AP5Z1: variants seen among roughly 807,000 people sequenced by gnomAD.
The protein encoded by AP5Z1 is AP-5 complex subunit zeta-1.
AP5Z1 carries 106 observed loss-of-function variants against 83.0 expected under a neutral mutation model. The observed-to-expected ratio is 1.28, with a 90% CI of 1.09 to 1.50. The LOEUF (loss-of-function observed/expected upper bound fraction) is 1.50. Ranked by LOEUF, AP5Z1 falls within the 40% of genes most tolerant of loss-of-function variation. The probability of loss-of-function intolerance (pLI) is 0.00; values close to 1 mark genes in which losing one functional copy is unlikely to be tolerated. For missense variants in AP5Z1, 1,565 were observed against 1,094.2 expected (o/e 1.43, Z -6.07); for synonymous variants, 751 against 514.1 (o/e 1.46, Z -6.23).
rs758214725 is a variant in AP5Z1 at position 4,790,557 on chromosome 7, G to A, written c.1904G>A (p.Gly635Asp). 12 of 1,612,994 alleles carry A rather than the reference G, an allele frequency of 7.4e-6. No homozygotes were observed. In the South Asian group the frequency reaches 1.2e-4, roughly 16 times the overall value. Residue 635 changes from glycine (G) to aspartate (D), a missense_variant, in exon 15 of 17, where the codon GGT becomes GAT. Coordinates refer to ENST00000649063, the MANE Select transcript of AP5Z1 (RefSeq NM_014855.3). ...DLLEFLGSVNGLCSRASLVTS... is the reference protein window; with the variant it reads ...DLLEFLGSVNDLCSRASLVTS... ...CTGGAGTTCCTGGGCAGCGTGAATG[G>A]TCTCTGCAGCAGGGCGAGCCTCGTC... is the stretch of plus-strand genomic sequence containing the variant.
At position 4,775,677 on chromosome 7, in the gene AP5Z1, A is replaced by G. The variant is rs749484491; in HGVS notation, c.-39A>G. On this transcript the variant is annotated 5_prime_UTR_variant, in exon 1 of 17. Coordinates refer to ENST00000649063, the MANE Select transcript of AP5Z1 (RefSeq NM_014855.3). Reference sequence around the variant, plus strand: ...GGAGCTCCTGGGCTGCAGCTCCTGGAGTTTCCGAGGTTCGTGCGCGTCTGG... The same window carrying G: ...GGAGCTCCTGGGCTGCAGCTCCTGGGGTTTCCGAGGTTCGTGCGCGTCTGG... 1 of 1,605,346 alleles carries G rather than the reference A, an allele frequency of 6.2e-7. No homozygotes were observed. The highest frequency in any genetic ancestry group is 1.3e-5 in the African/African-American group (1 of 74,878).
At chr7:4,782,651 C>G (rs982098683) in intron 3 of AP5Z1, among the ~76,000 whole-genome samples, 2 of 152,186 alleles carry the variant, frequency 1.3e-5, no homozygotes, top group African/African-American at 2.4e-5. Flanking sequence ...GCCCCCTCAC[C>G]TCACAGACCT....
Position 4,785,519 on chromosome 7 carries a change from C to A in AP5Z1, c.970-3C>A. The A allele has an allele frequency of 6.2e-7, 1 of 1,613,302 alleles. No homozygotes were observed. Among genetic ancestry groups the A allele is most frequent in the Non-Finnish European group, 8.5e-7 (1 of 1,179,698 alleles). ...CCCATTTGATGTGGTCCATGTCCCG[C>A]AGTGCCTGGTGGAGGCCGTGCTGGT... is the stretch of plus-strand genomic sequence containing the variant. On this transcript the variant is annotated splice_polypyrimidine_tract_variant and splice_region_variant and intron_variant, in intron 8 of 16. Transcript: ENST00000649063.
intron 1 of AP5Z1, among the ~76,000 whole-genome samples, chr7:4,777,178 A>G (rs1349992140): frequency 1.3e-5 from 2 of 152,060 alleles, no homozygotes; most frequent in African/African-American, 4.8e-5. Flanking sequence ...TATGTCATTC[A>G]TGTGAATGTG....
rs886916354 is a variant in AP5Z1 at position 4,790,609 on chromosome 7, C to T, written c.1938+18C>T. The T allele has an allele frequency of 6.2e-7, 1 of 1,612,144 alleles. No homozygotes were observed. ...CCAGCGTGGTAAGGCGGGCGCTGGC[C>T]TCCCACAGCCGCTCCTGACCCAGGA... On this transcript the variant is annotated intron_variant, in intron 15 of 16. Transcript: ENST00000649063.
chr7:4,791,553 C>A lies in AP5Z1; in HGVS notation c.*168C>A. 5 of 1,019,804 alleles carry A rather than the reference C, an allele frequency of 4.9e-6. No individual in the cohort carries two copies. In the South Asian group the frequency reaches 6.9e-5, roughly 14 times the overall value. 63.2% of individuals were successfully genotyped at this position (1,019,804 alleles called of 1,614,324 possible). A position where few individuals can be genotyped will look rare whatever the true frequency, so the allele number is the denominator to read the frequency against. ...GACACGCGGGGCTGGCCCCCCTGCT[C>A]ACCCTCTGGGCTTTGTCTCCGAGCC... On this transcript the variant is annotated 3_prime_UTR_variant, in exon 17 of 17. Coordinates refer to ENST00000649063, the MANE Select transcript of AP5Z1 (RefSeq NM_014855.3).
At chr7:4,780,635 G>A (rs892269180) in intron 1 of AP5Z1, among the ~76,000 whole-genome samples, 2 of 152,110 alleles carry the variant, frequency 1.3e-5, no homozygotes, top group Non-Finnish European at 2.9e-5. Flanking sequence ...GCGTGGTGGT[G>A]GGTGCCTGTA....
chr7:4,790,086 C>A (rs2115126813), intron 14 of AP5Z1, 157 bp downstream of exon 14: 3 of 1,301,558 alleles, frequency 2.3e-6, no homozygotes, highest in East Asian at 5.1e-5. Flanking sequence ...AGCCCCACAC[C>A]CAGCCCCAGG....
At chr7:4,783,503 C>A in intron 4 of AP5Z1, 43 bp downstream of exon 4, 1 of 1,599,568 alleles carries the variant, frequency 6.3e-7, no homozygotes, top group Non-Finnish European at 8.5e-7. Context: ...GGTCTGCCTT[C>A]CCAGGTCCTT....
In AP5Z1 at chr7:4,785,122, C is replaced by T. The variant is rs537884102; in HGVS notation, c.931+74C>T. The T allele has an allele frequency of 1.1e-5, 16 of 1,520,486 alleles. No individual in the cohort carries two copies. In the African/African-American group the frequency reaches 1.4e-4, roughly 13 times the overall value. The allele number at this position is 1,520,486 out of a possible 1,614,324, so 94.2% of individuals were successfully genotyped here. On this transcript the variant is annotated intron_variant, in intron 7 of 16. Coordinates refer to ENST00000649063, the MANE Select transcript of AP5Z1 (RefSeq NM_014855.3). The stretch of plus-strand genomic sequence containing the variant: ...GCTCTGCAAGGCCACCTGAGGCCAG[C>T]ACAGCTTCCCTGAGCTACTGCTCCA...
intron 11 of AP5Z1, 128 bp from the exon 12 acceptor site, chr7:4,788,026 A>G: frequency 1.4e-6 from 2 of 1,383,576 alleles, no homozygotes; most frequent in Non-Finnish European, 1.9e-6. Flanking sequence ...GGAGCCTCCC[A>G]TGCCAAGCCC....
At chr7:4,781,375 G>A (rs370993127) in intron 2 of AP5Z1, 63 bp downstream of exon 2, 71 of 1,605,994 alleles carry the variant, frequency 4.4e-5, no homozygotes, top group African/African-American at 2.8e-4. Context: ...CCCAGCCCAC[G>A]CCCAGCAGGT....
At chr7:4,777,967 C>T (rs1054553097) in intron 1 of AP5Z1, among the ~76,000 whole-genome samples, 16 of 152,236 alleles carry the variant, frequency 1.1e-4, no homozygotes, top group Admixed American at 3.3e-4. Context: ...GCCTGTAATC[C>T]GAACACTTCG....
chr7:4,781,841 G>A (rs1331946727), intron 3 of AP5Z1, 87 bp downstream of exon 3: 2 of 1,391,440 alleles, frequency 1.4e-6, no homozygotes, highest in East Asian at 2.5e-5. Flanking sequence ...GCCAGAGCCG[G>A]CAGGTGGCTG....
chr7:4,782,936 A>T (rs576042409), intron 3 of AP5Z1, among the ~76,000 whole-genome samples: 3 of 152,128 alleles, frequency 2.0e-5, no homozygotes, highest in Non-Finnish European at 4.4e-5. Flanking sequence ...TGCTGCTCAG[A>T]TGTTTCAGCA....
chr7:4,788,837 C>T lies in AP5Z1; in HGVS notation c.1596-3C>T. 1.2e-6 allele frequency: 2 copies of T among 1,601,754 alleles called. No homozygotes were observed. Among genetic ancestry groups the T allele is most frequent in the Non-Finnish European group, 1.7e-6 (2 of 1,174,492 alleles). On this transcript the variant is annotated splice_polypyrimidine_tract_variant and splice_region_variant and intron_variant, in intron 12 of 16. Transcript: ENST00000649063. Reference sequence around the variant, plus strand: ...AGCACTCACGGCCACACTGTGTCCTCAGGTTGGCGCCACTCCACCAGCTGC... The same window carrying T: ...AGCACTCACGGCCACACTGTGTCCTTAGGTTGGCGCCACTCCACCAGCTGC...
intron 10 of AP5Z1, 34 bp from the exon 11 acceptor site, chr7:4,787,600 G>C: frequency 1.9e-6 from 3 of 1,539,810 alleles, no homozygotes; most frequent in Non-Finnish European, 2.6e-6. Flanking sequence ...CCACAGCTCC[G>C]AGCCGTGTCC....
chr7:4,779,024 C>G (rs1252434400), intron 1 of AP5Z1, among the ~76,000 whole-genome samples: 1 of 144,874 alleles, frequency 6.9e-6, no homozygotes, highest in South Asian at 2.1e-4. Context: ...GCATAAGACT[C>G]TATCTCAAAA....
chr7:4,789,824 A>AC lies in AP5Z1; in HGVS notation c.1708-3dup, dbSNP rs1322272486. 3 of 1,549,338 alleles carry AC rather than the reference A, an allele frequency of 1.9e-6. No individual in the cohort carries two copies. Among genetic ancestry groups the AC allele is most frequent in the South Asian group, 1.2e-5 (1 of 83,988 alleles). On this transcript the variant is annotated splice_polypyrimidine_tract_variant and splice_region_variant and intron_variant, in intron 13 of 16. Transcript: ENST00000649063. ...GGGCTGAGCCTGTTTCCCACTCCTG[A>AC]CCCCCAGGTGGCTGACGGGTCCCTG... is the stretch of plus-strand genomic sequence containing the variant.
Sources: allele counts gnomAD v4.1 joint callset (sites outside exome capture counted in the v4.1 genomes callset), GRCh38; gene constraint gnomAD v4.1.1; transcripts MANE v1.5; gene names NCBI Gene and HGNC (gene_info 2026-07-23, HGNC 2026-07-21).